Variants in CBLB observed in about 807,000 individuals in gnomAD.
The protein encoded by CBLB is E3 ubiquitin-protein ligase CBL-B.
Under a neutral mutation model 104.9 loss-of-function variants are expected in CBLB, and 31 were observed. The observed-to-expected ratio is 0.30, with a 90% CI of 0.22 to 0.40. CBLB has a LOEUF of 0.40. CBLB is among the 10% of genes least tolerant of loss of function. The pLI, the probability that CBLB is intolerant of heterozygous loss-of-function variation, is 1.00. For synonymous variants in CBLB, 440 were observed against 422.6 expected (o/e 1.04, Z -0.51); for missense variants, 1,062 against 1,214.6 (o/e 0.87, Z 1.87).
chr3:105,708,223 T>C (rs2070499097), intron 10 of CBLB, among the ~76,000 whole-genome samples: 1 of 152,096 alleles, frequency 6.6e-6, no homozygotes, highest in Non-Finnish European at 1.5e-5. Flanking sequence ...TAAAGGGAGC[T>C]GTTGGGGTAA....
In CBLB at chr3:105,672,123, C is replaced by T. The variant is rs570267405; in HGVS notation, c.2570-1771G>A. 1.8e-3 allele frequency: 355 copies of T among 193,084 alleles called. 1 individual carries two copies. Among genetic ancestry groups the T allele is most frequent in the Non-Finnish European group, 3.2e-3 (295 of 92,476 alleles). The allele number at this position is 193,084 out of a possible 1,614,324, so 12.0% of individuals were successfully genotyped here. A position where few individuals can be genotyped will look rare whatever the true frequency, so the allele number is the denominator to read the frequency against. On this transcript the variant is annotated intron_variant, in intron 17 of 18. Transcript: ENST00000394030. The stretch of plus-strand genomic sequence containing the variant: ...CTGTCTTTTACAATACATACACTTG[C>T]TTATTTCTTTACGGGAAATTTATAG...
In CBLB at chr3:105,853,416, G is replaced by A. The variant is rs1327835017; in HGVS notation, c.417C>T (p.Asp139=). Residue 139 remains aspartate (D), a splice_region_variant and synonymous_variant, in exon 3 of 19, where the codon GAC becomes GAT. Coordinates refer to ENST00000394030, the MANE Select transcript of CBLB (RefSeq NM_170662.5). ...KERMYEEQSQ[D]RRNLTKLSLI... ...AACATCTGAAATATTCTTCTTACCT[G>A]TCCTGTGACTGTTCTTCATACATTC... The A allele has an allele frequency of 6.2e-7, 1 of 1,613,484 alleles. No individual in the cohort carries two copies. Among genetic ancestry groups the A allele is most frequent in the South Asian group, 1.1e-5 (1 of 91,036 alleles).
intron 2 of CBLB, among the ~76,000 whole-genome samples, chr3:105,856,617 T>C (rs1395563968): frequency 2.0e-5 from 3 of 152,174 alleles, no homozygotes; most frequent in Admixed American, 6.5e-5. Flanking sequence ...AGTTTGATTG[T>C]ATTATTTCCT....
chr3:105,772,403 T>A (rs903448912), intron 4 of CBLB, among the ~76,000 whole-genome samples: 2 of 152,160 alleles, frequency 1.3e-5, no homozygotes, highest in African/African-American at 4.8e-5. Flanking sequence ...ATCTAAGACC[T>A]GAAACCATGA....
At chr3:105,749,888 G>A (rs2076437761) in intron 5 of CBLB, 2 of 156,896 alleles carry the variant, frequency 1.3e-5, no homozygotes, top group Non-Finnish European at 2.8e-5. Flanking sequence ...TACACCAAGG[G>A]AATAATCACG....
At chr3:105,837,129 G>A (rs1205395986) in intron 3 of CBLB, among the ~76,000 whole-genome samples, 3 of 152,274 alleles carry the variant, frequency 2.0e-5, no homozygotes, top group South Asian at 2.1e-4. Flanking sequence ...ATCTTCATCC[G>A]TATTAAGGAA....
intron 12 of CBLB, among the ~76,000 whole-genome samples, chr3:105,698,976 C>T (rs193072036): frequency 1.3e-5 from 2 of 152,186 alleles, no homozygotes; most frequent in Admixed American, 1.3e-4. Context: ...TTGCATATCA[C>T]AGCCATCCTC....
chr3:105,755,016 C>CTTTTTT (rs67405809), intron 4 of CBLB, among the ~76,000 whole-genome samples: 6 of 143,832 alleles, frequency 4.2e-5, no homozygotes, highest in East Asian at 2.2e-4. Flanking sequence ...AGTATCTTTT[C>CTTTTTT]TTTTTTTTTT....
intron 17 of CBLB, chr3:105,673,036 AC>A (rs2065232081): frequency 6.6e-6 from 1 of 151,020 alleles, no homozygotes. Flanking sequence ...AAGGAAGGAT[AC>A]CTATCAATGA....
At chr3:105,765,513 T>C (rs1351292089) in intron 4 of CBLB, among the ~76,000 whole-genome samples, 1 of 152,158 alleles carries the variant, frequency 6.6e-6, no homozygotes, top group African/African-American at 2.4e-5. Context: ...ATTTCTGTTC[T>C]TTATTTAAAA....
At chr3:105,679,050 T>C (rs528809130) in intron 16 of CBLB, among the ~76,000 whole-genome samples, 2 of 152,192 alleles carry the variant, frequency 1.3e-5, no homozygotes, top group Non-Finnish European at 2.9e-5. Context: ...ATATAGTTTA[T>C]TCCACTGGAT....
intron 4 of CBLB, among the ~76,000 whole-genome samples, chr3:105,759,116 G>A (rs775452752): frequency 6.6e-6 from 1 of 152,212 alleles, no homozygotes; most frequent in South Asian, 2.1e-4. Context: ...CAGCAGAACA[G>A]CACTCAGGAA....
At chr3:105,863,335 G>C (rs1468240609) in intron 2 of CBLB, among the ~76,000 whole-genome samples, 1 of 152,164 alleles carries the variant, frequency 6.6e-6, no homozygotes, top group African/African-American at 2.4e-5. Flanking sequence ...CAGACAATTT[G>C]TTATTATCCC....
chr3:105,814,770 C>CAA (rs1201379435), intron 3 of CBLB, among the ~76,000 whole-genome samples: 1 of 152,114 alleles, frequency 6.6e-6, no homozygotes, highest in African/African-American at 2.4e-5. Flanking sequence ...GACAAATTTT[C>CAA]ATAAACACAC....
At position 105,759,290 on chromosome 3, in the gene CBLB, G is replaced by A. The variant is rs554539681; in HGVS notation, c.567-7672C>T. On this transcript the variant is annotated intron_variant, in intron 4 of 18. Transcript: ENST00000394030. ...GAAGGAAGGAAGTGTGTGCTGACTG[G>A]TCCAAGGGCAGGCCCAGAAAAAGCT... Among the ~76,000 whole-genome samples, 12 of 152,264 alleles carry A rather than the reference G, an allele frequency of 7.9e-5. No individual in the cohort carries two copies. In the East Asian group the frequency reaches 1.4e-3, roughly 17 times the overall value.
intron 3 of CBLB, among the ~76,000 whole-genome samples, chr3:105,830,157 T>C (rs1275684829): frequency 6.6e-6 from 1 of 152,178 alleles, no homozygotes; most frequent in Non-Finnish European, 1.5e-5. Flanking sequence ...CAAAACATCT[T>C]GGAAGGCTGT....
At chr3:105,778,150 T>C (rs533849992) in intron 3 of CBLB, among the ~76,000 whole-genome samples, 12 of 152,072 alleles carry the variant, frequency 7.9e-5, no homozygotes, top group Non-Finnish European at 1.3e-4. Flanking sequence ...TGTGTGTGTG[T>C]TGGGATGTGA....
At chr3:105,707,012 T>G (rs1448144873) in intron 10 of CBLB, among the ~76,000 whole-genome samples, 2 of 152,166 alleles carry the variant, frequency 1.3e-5, no homozygotes, top group African/African-American at 2.4e-5. Context: ...CACCCTAGAT[T>G]GGATTAATTA....
intron 3 of CBLB, among the ~76,000 whole-genome samples, chr3:105,817,701 G>A (rs2085263762): frequency 2.0e-5 from 3 of 152,058 alleles, no homozygotes; most frequent in African/African-American, 7.2e-5. Context: ...ATAACTGAAG[G>A]CATTAGTTGT....
Sources: gnomAD v4.1 joint callset for allele counts (sites outside exome capture counted in the v4.1 genomes callset) on GRCh38, gnomAD v4.1.1 for gene constraint, MANE v1.5 for transcripts, NCBI Gene and HGNC (gene_info 2026-07-23, HGNC 2026-07-21) for gene names.